Variants in RIMBP2 observed in about 807,000 individuals in gnomAD.
RIMBP2 encodes the protein RIMS binding protein 2.
In RIMBP2, 48 loss-of-function variants were observed where a neutral mutation model predicts 118.6. That is an observed-to-expected ratio of 0.40 (90% CI 0.32 to 0.51). The LOEUF is 0.51. Among genes scored for constraint, RIMBP2 ranks in the 20% least tolerant of loss-of-function variants. The probability of loss-of-function intolerance (pLI) is 0.41; values close to 1 mark genes in which losing one functional copy is unlikely to be tolerated. For synonymous variants in RIMBP2, 762 were observed against 742.9 expected, an observed-to-expected ratio of 1.03 and a Z score of -0.42; for missense variants, 1,551 against 1,768.3, an observed-to-expected ratio of 0.88 and a Z score of 2.20.
At chr12:130,465,740 G>C (rs2080409238) in intron 6 of RIMBP2, 1 of 152,258 alleles carries the variant, frequency 6.6e-6, no homozygotes, top group Non-Finnish European at 1.5e-5. Flanking sequence ...CCTGCCCTCT[G>C]CTACTGCTGC....
chr12:130,662,734 T>C (rs914369068), intron 1 of RIMBP2, among the ~76,000 whole-genome samples: 1 of 151,528 alleles, frequency 6.6e-6, no homozygotes, highest in African/African-American at 2.4e-5. Flanking sequence ...GGCAGGAGGA[T>C]TGCTTGAGCC....
chr12:130,613,981 A>AC (rs2060737692), intron 2 of RIMBP2, among the ~76,000 whole-genome samples: 1 of 152,074 alleles, frequency 6.6e-6, no homozygotes, highest in Admixed American at 6.6e-5. Context: ...CCCTCATGCC[A>AC]CCCTGCAATG....
At chr12:130,509,875 A>G (rs982738582) in intron 3 of RIMBP2, among the ~76,000 whole-genome samples, 4 of 152,274 alleles carry the variant, frequency 2.6e-5, no homozygotes, top group African/African-American at 4.8e-5. Flanking sequence ...GCAGCCCAGA[A>G]GCACCATGAT....
intron 2 of RIMBP2, among the ~76,000 whole-genome samples, chr12:130,593,089 G>A (rs140517189): frequency 6.6e-6 from 1 of 152,212 alleles, no homozygotes; most frequent in African/African-American, 2.4e-5. Flanking sequence ...GGCTCTTCCC[G>A]GGCCCATTCC....
intron 1 of RIMBP2, among the ~76,000 whole-genome samples, chr12:130,642,192 T>C (rs1301781834): frequency 6.6e-6 from 1 of 152,164 alleles, no homozygotes; most frequent in African/African-American, 2.4e-5. Flanking sequence ...AAAGAGAAGA[T>C]GGCTTCCCCT....
chr12:130,498,724 C>G (rs1199410251), intron 4 of RIMBP2, among the ~76,000 whole-genome samples: 1 of 152,040 alleles, frequency 6.6e-6, no homozygotes, highest in African/African-American at 2.4e-5. Context: ...CCTGCCCCCT[C>G]TCTTCCAGCC....
chr12:130,696,542 A>T (rs1477077593), intron 1 of RIMBP2, among the ~76,000 whole-genome samples: 2 of 152,238 alleles, frequency 1.3e-5, no homozygotes, highest in African/African-American at 2.4e-5. Flanking sequence ...AAGCAGAAGG[A>T]TATGAATTTC....
chr12:130,443,111 T>C (rs1482073063), intron 10 of RIMBP2, among the ~76,000 whole-genome samples: 1 of 152,168 alleles, frequency 6.6e-6, no homozygotes, highest in East Asian at 1.9e-4. Flanking sequence ...CTTACTATGA[T>C]TTTTGATTAA....
At chr12:130,563,609 T>C (rs193015620) in intron 2 of RIMBP2, among the ~76,000 whole-genome samples, 2 of 152,350 alleles carry the variant, frequency 1.3e-5, no homozygotes, top group East Asian at 3.9e-4. Context: ...TAAACAAATA[T>C]GCCCTACTGC....
chr12:130,698,528 G>T (rs2065683183), intron 1 of RIMBP2, among the ~76,000 whole-genome samples: 1 of 152,160 alleles, frequency 6.6e-6, no homozygotes, highest in Non-Finnish European at 1.5e-5. Context: ...GGCTGAGGTG[G>T]GTGGATCTCT....
At chr12:130,543,948 G>T (rs2054850781) in intron 2 of RIMBP2, among the ~76,000 whole-genome samples, 1 of 152,078 alleles carries the variant, frequency 6.6e-6, no homozygotes, top group African/African-American at 2.4e-5. Flanking sequence ...GAAGGTATTT[G>T]GTAGGATTGT....
chr12:130,597,020 C>A (rs2059601557), intron 2 of RIMBP2, among the ~76,000 whole-genome samples: 1 of 152,260 alleles, frequency 6.6e-6, no homozygotes, highest in Middle Eastern at 3.4e-3. Context: ...TATTTGTGGA[C>A]AAATTAATAC....
chr12:130,701,165 G>C (rs966241064), intron 1 of RIMBP2, among the ~76,000 whole-genome samples: 1 of 152,172 alleles, frequency 6.6e-6, no homozygotes, highest in African/African-American at 2.4e-5. Context: ...TGTAGACAGG[G>C]AGCCACTCTG....
At chr12:130,521,208 A>G (rs1484922164) in intron 2 of RIMBP2, among the ~76,000 whole-genome samples, 2 of 152,178 alleles carry the variant, frequency 1.3e-5, no homozygotes, top group Admixed American at 1.3e-4. Context: ...GGTGGACACT[A>G]CCCCAATCAA....
At chr12:130,572,159 G>T (rs2140070041) in intron 2 of RIMBP2, among the ~76,000 whole-genome samples, 1 of 89,550 alleles carries the variant, frequency 1.1e-5, no homozygotes, top group East Asian at 4.3e-4. Context: ...AGGAAGGCCG[G>T]GGATGAAGGA....
At chr12:130,704,006 T>A (rs1249505176) in intron 1 of RIMBP2, among the ~76,000 whole-genome samples, 1 of 152,120 alleles carries the variant, frequency 6.6e-6, no homozygotes, top group Non-Finnish European at 1.5e-5. Flanking sequence ...ATATCTCCCT[T>A]TCTGTACCAA....
chr12:130,619,730 T>A lies in RIMBP2; in HGVS notation c.-217+8592A>T, dbSNP rs1317331610. Among the ~76,000 whole-genome samples the A allele has an allele frequency of 2.6e-5, 4 of 152,170 alleles. No individual in the cohort carries two copies. In the East Asian group the frequency reaches 7.7e-4, roughly 29 times the overall value. On this transcript the variant is annotated intron_variant, in intron 2 of 22. Coordinates refer to ENST00000690449, the MANE Select transcript of RIMBP2 (RefSeq NM_001393629.1). ...AAGCTCTAGCTGTGCTCACGGTCCC[T>A]TATCAACCTCCTCTCCTAATCCGAA...
At chr12:130,423,208 TA>T (rs2076524830) in intron 16 of RIMBP2, among the ~76,000 whole-genome samples, 2 of 152,144 alleles carry the variant, frequency 1.3e-5, no homozygotes, top group Admixed American at 1.3e-4. Context: ...TTCTTGCTAG[TA>T]AGTAAATGGA....
chr12:130,575,741 T>A (rs1269290554), intron 2 of RIMBP2, among the ~76,000 whole-genome samples: 1 of 151,974 alleles, frequency 6.6e-6, no homozygotes, highest in African/African-American at 2.4e-5. Flanking sequence ...GGAGACAGAG[T>A]GGTCAGCAGA....
Sources: gnomAD v4.1 joint callset for allele counts (sites outside exome capture counted in the v4.1 genomes callset) on GRCh38, gnomAD v4.1.1 for gene constraint, MANE v1.5 for transcripts, NCBI Gene and HGNC (gene_info 2026-07-23, HGNC 2026-07-21) for gene names.